Variants in PALM2AKAP2 observed in about 807,000 individuals in gnomAD.
PALM2AKAP2 encodes the protein PALM2 and AKAP2 fusion.
Under a neutral mutation model 71.5 loss-of-function variants are expected in PALM2AKAP2, and 37 were observed. The observed-to-expected ratio is 0.52, with a 90% confidence interval of 0.40 to 0.68. The LOEUF is 0.68. Among genes scored for constraint, PALM2AKAP2 ranks in the 30% least tolerant of loss-of-function variants. The pLI is 0.00. For missense variants in PALM2AKAP2, 1,224 were observed against 1,191.8 expected, an observed-to-expected ratio of 1.03 and a Z score of -0.40; for synonymous variants, 468 against 478.8, an observed-to-expected ratio of 0.98 and a Z score of 0.29.
At chr9:110,163,495 A>G (rs866232649) in intron 3 of PALM2AKAP2, among the ~76,000 whole-genome samples, 37 of 152,310 alleles carry the variant, frequency 2.4e-4, no homozygotes, top group Middle Eastern at 6.8e-3. Flanking sequence ...CTCCTCCCTT[A>G]CAATCTCGCA....
intron 1 of PALM2AKAP2, among the ~76,000 whole-genome samples, chr9:109,753,010 A>G (rs1404596381): frequency 6.6e-6 from 1 of 152,146 alleles, no homozygotes; most frequent in African/African-American, 2.4e-5. Flanking sequence ...CTGGCTTTAG[A>G]TGAAGTTCAC....
rs1214643898 is a variant in PALM2AKAP2 at position 109,667,246 on chromosome 9, A to G, written c.5+26380A>G. Among the ~76,000 whole-genome samples, 7 of 152,324 alleles carry G rather than the reference A, an allele frequency of 4.6e-5. No individual in the cohort carries two copies. In the Middle Eastern group the frequency reaches 0.01, roughly 222 times the overall value. Reference sequence around the variant, plus strand: ...TGCTGGAAGAAAAGAGAATGATGACAGATAGATAAAAAGAACAGCTATCCC... The same window carrying G: ...TGCTGGAAGAAAAGAGAATGATGACGGATAGATAAAAAGAACAGCTATCCC... On this transcript the variant is annotated intron_variant, in intron 1 of 6. Coordinates refer to the PALM2AKAP2 transcript ENST00000374531.
intron 1 of PALM2AKAP2, among the ~76,000 whole-genome samples, chr9:110,124,896 C>A (rs1835563235): frequency 6.6e-6 from 1 of 152,070 alleles, no homozygotes; most frequent in Admixed American, 6.6e-5. Flanking sequence ...AAAGTTGGCA[C>A]AGAATTGCAT....
chr9:109,977,170 T>C (rs1284936203), intron 6 of PALM2AKAP2, among the ~76,000 whole-genome samples: 1 of 152,210 alleles, frequency 6.6e-6, no homozygotes, highest in Non-Finnish European at 1.5e-5. Context: ...CTGTATCACA[T>C]TGACTCTCAG....
At chr9:110,169,670 G>A (rs1382126613) in exon 4 of PALM2AKAP2, 1 of 152,448 alleles carries the variant, frequency 6.6e-6, no homozygotes, top group African/African-American at 2.4e-5. Context: ...GTGTGTTTCA[G>A]GATGATACAA....
intron 3 of PALM2AKAP2, among the ~76,000 whole-genome samples, chr9:109,894,204 G>C (rs1360442973): frequency 6.6e-6 from 1 of 152,090 alleles, no homozygotes; most frequent in African/African-American, 2.4e-5. Context: ...TGGGCATGGT[G>C]GCGGGCACCT....
At chr9:110,140,499 C>T (rs997167131) in intron 2 of PALM2AKAP2, among the ~76,000 whole-genome samples, 2 of 152,216 alleles carry the variant, frequency 1.3e-5, no homozygotes, top group Non-Finnish European at 2.9e-5. Flanking sequence ...CAGGCACTCT[C>T]AGTGGACAGA....
intron 6 of PALM2AKAP2, among the ~76,000 whole-genome samples, chr9:109,966,033 T>C (rs576633418): frequency 1.6e-4 from 24 of 152,306 alleles, no homozygotes; most frequent in African/African-American, 5.3e-4. Flanking sequence ...TGTTGTGATC[T>C]GTTTTGTTTT....
intron 1 of PALM2AKAP2, among the ~76,000 whole-genome samples, chr9:109,834,568 C>A (rs2025874): frequency 6.6e-6 from 1 of 151,816 alleles, no homozygotes; most frequent in Non-Finnish European, 1.5e-5. Context: ...TTGGAAAATA[C>A]AGGGTCCAGC....
chr9:109,893,727 C>T (rs1237345301), intron 3 of PALM2AKAP2, among the ~76,000 whole-genome samples: 1 of 152,160 alleles, frequency 6.6e-6, no homozygotes, highest in Admixed American at 6.5e-5. Flanking sequence ...GGATTACAGG[C>T]ATGAGGACTG....
intron 2 of PALM2AKAP2, among the ~76,000 whole-genome samples, chr9:109,869,101 G>A (rs1431447368): frequency 6.6e-6 from 1 of 152,168 alleles, no homozygotes; most frequent in Non-Finnish European, 1.5e-5. Context: ...AAAAAAGAGA[G>A]GCTGCTTTGG....
intron 1 of PALM2AKAP2, among the ~76,000 whole-genome samples, chr9:109,708,526 T>A (rs1470775022): frequency 6.6e-6 from 1 of 152,226 alleles, no homozygotes; most frequent in Non-Finnish European, 1.5e-5. Context: ...TGGAAAATGT[T>A]TGCTAAATAT....
At chr9:109,913,064 G>C (rs1178376367) in intron 3 of PALM2AKAP2, among the ~76,000 whole-genome samples, 1 of 152,148 alleles carries the variant, frequency 6.6e-6, no homozygotes, top group African/African-American at 2.4e-5. Flanking sequence ...GGAGGAGCTG[G>C]ATGTTGTTCC....
At chr9:109,658,429 T>C (rs946227048) in intron 1 of PALM2AKAP2, among the ~76,000 whole-genome samples, 4 of 152,114 alleles carry the variant, frequency 2.6e-5, no homozygotes, top group Non-Finnish European at 4.4e-5. Context: ...TATAAAGATA[T>C]AAAGATAAAT....
rs7041961 is a variant in PALM2AKAP2, at chr9:109,790,773, G to A, written c.45+10240G>A. On this transcript the variant is annotated intron_variant, in intron 1 of 9. Transcript: ENST00000302798. ...GATATCACGTGCTGTTTCTACTGGGGTGGGAAGTGCTTTGAAAATGTCCTT... is the reference window on the plus strand; with the variant it reads ...GATATCACGTGCTGTTTCTACTGGGATGGGAAGTGCTTTGAAAATGTCCTT... 4.4e-3 allele frequency among the ~76,000 whole-genome samples: 667 copies of A among 152,320 alleles called. 5 individuals are homozygous for A. The highest frequency in any genetic ancestry group is 0.015 in the African/African-American group (641 of 41,568).
intron 6 of PALM2AKAP2, among the ~76,000 whole-genome samples, chr9:110,006,533 T>G (rs1832789832): frequency 6.6e-6 from 1 of 151,642 alleles, no homozygotes; most frequent in Non-Finnish European, 1.5e-5. Flanking sequence ...GCTAATTTTG[T>G]TTGTTTGTTT....
intron 1 of PALM2AKAP2, among the ~76,000 whole-genome samples, chr9:109,850,899 C>T (rs534615633): frequency 1.2e-3 from 185 of 152,108 alleles, no homozygotes; most frequent in Admixed American, 1.8e-3. Flanking sequence ...TGGTAGTGGC[C>T]GGGCGTGGTG....
chr9:110,136,479 C>G (rs1191783845), exon 2 of PALM2AKAP2: 1 of 1,614,074 alleles, frequency 6.2e-7, no homozygotes, highest in Non-Finnish European at 8.5e-7. Context: ...TCCCCAGAGC[C>G]TGGTGCAGTG....
intron 1 of PALM2AKAP2, among the ~76,000 whole-genome samples, chr9:109,752,520 G>T (rs1020964105): frequency 6.6e-6 from 1 of 152,128 alleles, no homozygotes; most frequent in Non-Finnish European, 1.5e-5. Flanking sequence ...CAGGTAGAGG[G>T]AATGGTGTGT....
Sources: allele counts gnomAD v4.1 joint callset (sites outside exome capture counted in the v4.1 genomes callset), GRCh38; gene constraint gnomAD v4.1.1; transcripts MANE v1.5; gene names NCBI Gene and HGNC (gene_info 2026-07-23, HGNC 2026-07-21).